Variants in BLNK observed in about 807,000 individuals in gnomAD.
BLNK encodes the protein B cell linker.
In BLNK, 29 loss-of-function variants were observed where a neutral mutation model predicts 73.5. The ratio of observed to expected loss-of-function variants is 0.39; its 90% CI spans 0.29 to 0.54. The LOEUF (loss-of-function observed/expected upper bound fraction) is 0.54. Ranked by LOEUF, BLNK falls within the 20% of genes least tolerant of loss-of-function variation. BLNK has a pLI of 0.61. For synonymous variants in BLNK, 176 were observed against 200.8 expected (o/e 0.88, Z 1.04); for missense variants, 460 against 562.8 (o/e 0.82, Z 1.85).
At position 96,206,799 on chromosome 10, in the gene BLNK, G is replaced by A. The variant is rs375049107; in HGVS notation, c.817+212C>T. Among the ~76,000 whole-genome samples the A allele has an allele frequency of 1.4e-4, 22 of 152,328 alleles. No individual in the cohort carries two copies. The East Asian group carries it at 2.9e-3, about 20-fold the overall frequency. On this transcript the variant is annotated intron_variant, in intron 11 of 16. Coordinates refer to ENST00000224337, the MANE Select transcript of BLNK (RefSeq NM_013314.4). ...GTCATATCTGTCTGCCAAAAGGCAG[G>A]TTTTTGCATGCATTCTGTAGCCTAC...
At chr10:96,236,253 C>T (rs1554905087) in intron 3 of BLNK, among the ~76,000 whole-genome samples, 1 of 152,106 alleles carries the variant, frequency 6.6e-6, no homozygotes, top group Non-Finnish European at 1.5e-5. Flanking sequence ...CCCATCTCTC[C>T]CCCAACAGAG....
chr10:96,246,206 G>A (rs1843038553), intron 2 of BLNK, among the ~76,000 whole-genome samples: 1 of 151,738 alleles, frequency 6.6e-6, no homozygotes, highest in Admixed American at 6.6e-5. Context: ...CCCTCTCCAA[G>A]TGCCAATTGA....
At position 96,240,402 on chromosome 10, in the gene BLNK, C is replaced by G. The variant is rs143508813; in HGVS notation, c.163+2333G>C. Among the ~76,000 whole-genome samples the G allele has an allele frequency of 4.3e-3, 655 of 151,262 alleles. 3 individuals are homozygous for G. The highest frequency in any genetic ancestry group is 0.023 in the South Asian group (111 of 4,780). On this transcript the variant is annotated intron_variant, in intron 3 of 16. Transcript: ENST00000224337. ...TCTCCTTTGAAGTTGCACAGGACAACTCTATTTTTATTTTTCTTAATATTT... is the reference window on the plus strand; with the variant it reads ...TCTCCTTTGAAGTTGCACAGGACAAGTCTATTTTTATTTTTCTTAATATTT...
At chr10:96,240,899 TGGAA>T (rs1842862172) in intron 3 of BLNK, among the ~76,000 whole-genome samples, 1 of 152,240 alleles carries the variant, frequency 6.6e-6, no homozygotes, top group African/African-American at 2.4e-5. Context: ...ATTTAGAACT[TGGAA>T]GGAAGAATGT....
Position 96,190,423 on chromosome 10 carries a change from C to T in BLNK, c.*1550G>A, listed in dbSNP as rs1554893119. ...TTGTATTAAGGCCCACCCTACTGAC[C>T]TCATCTTACCTTGACTATATCTGTA... is the stretch of plus-strand genomic sequence containing the variant. On this transcript the variant is annotated 3_prime_UTR_variant, in exon 17 of 17. Coordinates refer to ENST00000224337, the MANE Select transcript of BLNK (RefSeq NM_013314.4). Among the ~76,000 whole-genome samples the T allele has an allele frequency of 6.6e-6, 1 of 152,156 alleles. No homozygotes were observed. Among genetic ancestry groups the T allele is most frequent in the Non-Finnish European group, 1.5e-5 (1 of 68,026 alleles).
chr10:96,239,128 G>A (rs1842799830), intron 3 of BLNK: 2 of 398,518 alleles, frequency 5.0e-6, no homozygotes, highest in South Asian at 2.5e-4. Flanking sequence ...CTGACATCAA[G>A]ACTATTTGGA....
Position 96,223,902 on chromosome 10 carries a change from G to A in BLNK, c.449C>T (p.Thr150Ile). ...PSWPSEKARL[T>I]STLPALTALQ... ...AGCAGTCAGGGCCGGCAGGGTGGAG[G>A]TGAGCCTTGCTTTCTCTGAAGGCCA... The change falls in exon 6 of 17, where the codon ACC (threonine) becomes ATC (isoleucine). Residue 150 changes from threonine (T) to isoleucine (I), a missense_variant. Coordinates refer to ENST00000224337, the MANE Select transcript of BLNK (RefSeq NM_013314.4). 6.2e-7 allele frequency: 1 copy of A among 1,613,826 alleles called. No individual in the cohort carries two copies. Among genetic ancestry groups the A allele is most frequent in the Non-Finnish European group, 8.5e-7 (1 of 1,180,028 alleles).
At chr10:96,248,353 T>C (rs1554908186) in intron 1 of BLNK, among the ~76,000 whole-genome samples, 1 of 152,174 alleles carries the variant, frequency 6.6e-6, no homozygotes, top group African/African-American at 2.4e-5. Flanking sequence ...AACACACAGC[T>C]AACAGAAAAC....
At chr10:96,255,093 C>T (rs35909109) in intron 1 of BLNK, among the ~76,000 whole-genome samples, 2,932 of 152,220 alleles carry the variant, frequency 0.019, 43 homozygotes, top group Non-Finnish European at 0.029. Context: ...CAGGGAAGTT[C>T]GTCTGGCCAA....
intron 1 of BLNK, among the ~76,000 whole-genome samples, chr10:96,252,903 G>A (rs1208286036): frequency 1.3e-5 from 2 of 152,128 alleles, no homozygotes; most frequent in Non-Finnish European, 2.9e-5. Context: ...CTGTTGGTGG[G>A]GGATAGGCTG....
chr10:96,210,674 A>C (rs782305564), intron 8 of BLNK, among the ~76,000 whole-genome samples: 85 of 152,170 alleles, frequency 5.6e-4, no homozygotes, highest in Non-Finnish European at 5.1e-4. Flanking sequence ...AGGGCAGGCC[A>C]GGAGGGGAGA....
chr10:96,207,252 A>G (rs186579597), intron 10 of BLNK, among the ~76,000 whole-genome samples, 199 bp from the exon 11 acceptor site: 3 of 152,360 alleles, frequency 2.0e-5, no homozygotes, highest in Admixed American at 2.0e-4. Flanking sequence ...GAAGTGTCCT[A>G]TGAAGGAGCA....
chr10:96,196,794 T>A, intron 16 of BLNK, 114 bp downstream of exon 16: 5 of 1,037,756 alleles, frequency 4.8e-6, no homozygotes, highest in Admixed American at 4.0e-5. Flanking sequence ...TATGCAAGCA[T>A]TAGAACAAGT....
chr10:96,254,086 C>A (rs1843409881), intron 1 of BLNK, among the ~76,000 whole-genome samples: 1 of 151,452 alleles, frequency 6.6e-6, no homozygotes, highest in Admixed American at 6.6e-5. Flanking sequence ...CCAGGTTTAT[C>A]CCCTTCTAGG....
At chr10:96,268,623 A>T (rs1554914812) in intron 1 of BLNK, among the ~76,000 whole-genome samples, 1 of 152,182 alleles carries the variant, frequency 6.6e-6, no homozygotes, top group East Asian at 1.9e-4. Context: ...ACCCATCCCC[A>T]CTGGGTTCAT....
chr10:96,215,495 G>T, intron 7 of BLNK, 106 bp from the exon 8 acceptor site: 2 of 1,063,038 alleles, frequency 1.9e-6, no homozygotes, highest in South Asian at 1.7e-5. Context: ...ATGATGACCA[G>T]ACCAGAGAAT....
chr10:96,189,411 G>A lies in BLNK; in HGVS notation c.*2562C>T. The A allele has an allele frequency of 1.7e-6, 1 of 596,992 alleles. No individual in the cohort carries two copies. The highest frequency in any genetic ancestry group is 3.2e-6 in the Non-Finnish European group (1 of 314,176). The allele number at this position is 596,992 out of a possible 1,614,324, so 37.0% of individuals were successfully genotyped here. A position where few individuals can be genotyped will look rare whatever the true frequency, so the allele number is the denominator to read the frequency against. On this transcript the variant is annotated 3_prime_UTR_variant, in exon 17 of 17. Coordinates refer to ENST00000224337, the MANE Select transcript of BLNK (RefSeq NM_013314.4). ...ATCTTGAATAGTCTCCTGGTCAGTT[G>A]TCCGGAAGCAATTCTTCACATAATT...
intron 13 of BLNK, among the ~76,000 whole-genome samples, chr10:96,201,866 A>G (rs587674472): frequency 1.6e-4 from 25 of 152,330 alleles, no homozygotes; most frequent in African/African-American, 5.3e-4. Flanking sequence ...ATTTTAATGG[A>G]TTGAGATGGG....
chr10:96,254,693 T>G (rs1843437625), intron 1 of BLNK, among the ~76,000 whole-genome samples: 2 of 152,114 alleles, frequency 1.3e-5, no homozygotes, highest in African/African-American at 4.8e-5. Context: ...GTATTTTTAG[T>G]AGAGACGGGG....
Sources: gnomAD v4.1 joint callset for allele counts (sites outside exome capture counted in the v4.1 genomes callset) on GRCh38, gnomAD v4.1.1 for gene constraint, MANE v1.5 for transcripts, NCBI Gene and HGNC (gene_info 2026-07-23, HGNC 2026-07-21) for gene names.